CSMD1: variants seen among roughly 807,000 people sequenced by gnomAD.
The protein encoded by CSMD1 is CUB and sushi domain-containing protein 1.
Under a neutral mutation model 417.5 loss-of-function variants are expected in CSMD1, and 213 were observed. That is an observed-to-expected ratio of 0.51 (90% CI 0.46 to 0.57). The LOEUF is 0.57. CSMD1 is among the 20% of genes least tolerant of loss of function. The probability of loss-of-function intolerance (pLI) is 0.00; values close to 1 mark genes in which losing one functional copy is unlikely to be tolerated. For synonymous variants in CSMD1, 2,862 were observed against 1,736.8 expected (o/e 1.65, Z -16.11); for missense variants, 6,923 against 4,529.7 (o/e 1.53, Z -15.17).
At chr8:4,877,283 T>C (rs1254222874) in intron 1 of CSMD1, among the ~76,000 whole-genome samples, 1 of 152,058 alleles carries the variant, frequency 6.6e-6, no homozygotes, top group Non-Finnish European at 1.5e-5. Flanking sequence ...ATTTTGACTA[T>C]TACAGGAAAT....
intron 5 of CSMD1, among the ~76,000 whole-genome samples, chr8:3,867,196 A>G (rs1262340497): frequency 2.0e-5 from 3 of 152,258 alleles, no homozygotes; most frequent in South Asian, 2.1e-4. Context: ...AATTGTATAT[A>G]TAGACAAAAG....
chr8:4,072,139 C>T (rs1428414841), intron 3 of CSMD1, among the ~76,000 whole-genome samples: 1 of 152,230 alleles, frequency 6.6e-6, no homozygotes, highest in Non-Finnish European at 1.5e-5. Context: ...CCTTCGGAAT[C>T]TGCCTGTTTC....
At chr8:3,212,412 A>G (rs1436887454) in intron 30 of CSMD1, among the ~76,000 whole-genome samples, 1 of 152,086 alleles carries the variant, frequency 6.6e-6, no homozygotes, top group South Asian at 2.1e-4. Context: ...GCAGTGGAGC[A>G]ATCTCGGCTC....
intron 2 of CSMD1, among the ~76,000 whole-genome samples, chr8:4,466,219 G>C (rs1032904684): frequency 6.6e-6 from 1 of 152,120 alleles, no homozygotes; most frequent in Non-Finnish European, 1.5e-5. Context: ...TAGTGAGACA[G>C]GGATCTCTCC....
intron 5 of CSMD1, among the ~76,000 whole-genome samples, chr8:3,948,576 G>A (rs1811393747): frequency 1.3e-5 from 2 of 151,928 alleles, no homozygotes; most frequent in Admixed American, 6.6e-5. Context: ...CTGTGAACTT[G>A]CTCATGATAA....
At chr8:4,478,046 T>C (rs1208059900) in intron 2 of CSMD1, among the ~76,000 whole-genome samples, 2 of 152,174 alleles carry the variant, frequency 1.3e-5, no homozygotes, top group Admixed American at 6.5e-5. Context: ...ATCTCCTCTG[T>C]AGCACTCCCC....
chr8:4,040,310 GTT>G (rs1376583723), intron 3 of CSMD1, among the ~76,000 whole-genome samples: 1 of 152,134 alleles, frequency 6.6e-6, no homozygotes, highest in Non-Finnish European at 1.5e-5. Context: ...GTTCCAAGTC[GTT>G]TATATATATT....
chr8:3,873,117 A>G (rs951499716), intron 5 of CSMD1, among the ~76,000 whole-genome samples: 4 of 152,154 alleles, frequency 2.6e-5, no homozygotes, highest in Admixed American at 6.5e-5. Flanking sequence ...AGTGTAAATT[A>G]GTTCAACTAT....
chr8:4,445,194 A>T (rs1166907928), intron 2 of CSMD1, among the ~76,000 whole-genome samples: 1 of 152,166 alleles, frequency 6.6e-6, no homozygotes, highest in East Asian at 1.9e-4. Context: ...TAATGTGCAG[A>T]ATCCTGGTTA....
intron 4 of CSMD1, among the ~76,000 whole-genome samples, chr8:4,009,252 T>C (rs187555938): frequency 2.9e-4 from 44 of 152,370 alleles, no homozygotes; most frequent in African/African-American, 1.0e-3. Context: ...TCCTCCCAAG[T>C]AATTTCAGAC....
intron 54 of CSMD1, among the ~76,000 whole-genome samples, chr8:2,983,421 C>T (rs575035766): frequency 9.5e-4 from 144 of 152,278 alleles, no homozygotes; most frequent in African/African-American, 3.2e-3. Context: ...CTCCTGACCT[C>T]GTGATCCGCC....
intron 5 of CSMD1, among the ~76,000 whole-genome samples, chr8:3,977,647 G>C (rs1270064876): frequency 6.6e-6 from 1 of 152,132 alleles, no homozygotes; most frequent in Non-Finnish European, 1.5e-5. Flanking sequence ...AGAGAAATCT[G>C]GAACCTTCTC....
chr8:3,230,352 A>T, intron 26 of CSMD1, 121 bp from the exon 27 acceptor site: 1 of 611,948 alleles, frequency 1.6e-6, no homozygotes, highest in Non-Finnish European at 2.6e-6. Context: ...ATTTGTCTAC[A>T]CATGAACATA....
chr8:3,661,230 G>T (rs928122516), intron 7 of CSMD1, among the ~76,000 whole-genome samples: 25 of 152,288 alleles, frequency 1.6e-4, no homozygotes, highest in African/African-American at 6.0e-4. Flanking sequence ...GTATGCATCT[G>T]TAACAAGAGC....
intron 3 of CSMD1, among the ~76,000 whole-genome samples, chr8:4,175,417 A>C (rs1401592668): frequency 6.6e-6 from 1 of 152,068 alleles, no homozygotes; most frequent in Non-Finnish European, 1.5e-5. Flanking sequence ...TTTATTGTTC[A>C]ACGGAATATG....
At chr8:4,384,183 C>T (rs1001625975) in intron 3 of CSMD1, among the ~76,000 whole-genome samples, 1 of 152,144 alleles carries the variant, frequency 6.6e-6, no homozygotes, top group African/African-American at 2.4e-5. Flanking sequence ...GAAAGACATC[C>T]TGCTCAAGAT....
At chr8:3,243,570 G>A (rs1799684889) in intron 26 of CSMD1, among the ~76,000 whole-genome samples, 1 of 152,056 alleles carries the variant, frequency 6.6e-6, no homozygotes, top group Non-Finnish European at 1.5e-5. Context: ...ACAAGATAAT[G>A]TCATCAGTTA....
At chr8:3,711,236 A>T (rs1219074347) in intron 6 of CSMD1, among the ~76,000 whole-genome samples, 1 of 152,204 alleles carries the variant, frequency 6.6e-6, no homozygotes, top group Non-Finnish European at 1.5e-5. Context: ...AAATAAGTCC[A>T]ATGTGGTTAC....
chr8:4,943,758 G>C (rs1005195328), intron 1 of CSMD1, among the ~76,000 whole-genome samples: 4 of 152,048 alleles, frequency 2.6e-5, no homozygotes, highest in African/African-American at 9.7e-5. Flanking sequence ...AAGGACTTTG[G>C]TAAGTTACTT....
Sources: allele counts gnomAD v4.1 joint callset (sites outside exome capture counted in the v4.1 genomes callset), GRCh38; gene constraint gnomAD v4.1.1; transcripts MANE v1.5; gene names NCBI Gene and HGNC (gene_info 2026-07-23, HGNC 2026-07-21).